The following HTRA3 variants were observed in gnomAD, a reference collection of about 807,000 sequenced individuals.
HTRA3 encodes serine protease HTRA3.
A neutral mutation model predicts 43.2 loss-of-function variants in HTRA3; 41 were observed. That is an observed-to-expected ratio of 0.95 (90% CI 0.74 to 1.23). The LOEUF (loss-of-function observed/expected upper bound fraction) is 1.23. HTRA3 is among the 50% of genes most tolerant of loss of function. The probability of loss-of-function intolerance (pLI) is 0.00; values close to 1 mark genes in which losing one functional copy is unlikely to be tolerated. For synonymous variants in HTRA3, 295 were observed against 287.9 expected (o/e 1.02, Z -0.25); for missense variants, 628 against 647.1 (o/e 0.97, Z 0.32).
chr4:8,280,321 C>A (rs922002458), intron 1 of HTRA3, among the ~76,000 whole-genome samples: 1 of 152,134 alleles, frequency 6.6e-6, no homozygotes, highest in African/African-American at 2.4e-5. Flanking sequence ...GGAGGAGGGC[C>A]TGGGCCTGGG....
chr4:8,270,376 G>A, intron 1 of HTRA3, 23 bp downstream of exon 1: 3 of 1,380,934 alleles, frequency 2.2e-6, no homozygotes, highest in Non-Finnish European at 2.8e-6. Flanking sequence ...GGGCCAGGGA[G>A]GAAGTGAAGC....
At chr4:8,277,900 A>T (rs1712592891) in intron 1 of HTRA3, among the ~76,000 whole-genome samples, 1 of 152,162 alleles carries the variant, frequency 6.6e-6, no homozygotes, top group African/African-American at 2.4e-5. Flanking sequence ...GAGGGCACTA[A>T]AAGAAGGGGC....
intron 6 of HTRA3, among the ~76,000 whole-genome samples, chr4:8,298,040 C>T (rs1338570677): frequency 2.6e-5 from 4 of 152,198 alleles, no homozygotes; most frequent in Admixed American, 1.3e-4. Context: ...CGGGCCTCGT[C>T]GCCGCTCCGC....
At chr4:8,275,762 A>T (rs115996225) in intron 1 of HTRA3, among the ~76,000 whole-genome samples, 262 of 152,324 alleles carry the variant, frequency 1.7e-3, no homozygotes, top group African/African-American at 6.1e-3. Flanking sequence ...AAAGCCTTCA[A>T]CACATCATTG....
At chr4:8,301,252 GCTTTATTGATTCACACTCAT>G (rs982132647) in intron 6 of HTRA3, among the ~76,000 whole-genome samples, 2 of 67,230 alleles carry the variant, frequency 3.0e-5, no homozygotes, top group African/African-American at 1.4e-4. Context: ...TTCACACTCA[GCTTTATTGATTCACACTCAT>G]CTTTATTATT....
At chr4:8,291,689 G>C (rs1030900644) in intron 4 of HTRA3, 125 bp downstream of exon 4, 2 of 682,958 alleles carry the variant, frequency 2.9e-6, no homozygotes, top group Admixed American at 3.1e-5. Context: ...ACATCCACTT[G>C]CTAGAAAGTT....
rs1368731569 is a variant in HTRA3, at chr4:8,270,162, C to T, written c.194C>T (p.Pro65Leu). The change falls in exon 1 of 9, where the codon CCT (proline) becomes CTT (leucine). Residue 65 changes from proline (P) to leucine (L), a missense_variant. By Grantham distance (98) the Pro-to-Leu change is moderately conservative (BLOSUM62 -3). Coordinates refer to ENST00000307358, the MANE Select transcript of HTRA3 (RefSeq NM_053044.5). ...AASEGEPCGG[P>L]LDSPCGESLE... The stretch of plus-strand genomic sequence containing the variant: ...AGCGAGGGCGAGCCCTGTGGCGGCC[C>T]TCTGGACTCGCCTTGCGGCGAGAGC... The T allele has an allele frequency of 1.3e-6, 2 of 1,541,518 alleles. No individual in the cohort carries two copies. Among genetic ancestry groups the T allele is most frequent in the East Asian group, 2.6e-5 (1 of 38,610 alleles).
rs1201057396 is a variant in HTRA3, at chr4:8,269,965, C to G, written c.-4C>G. 2 of 1,155,940 alleles carry G rather than the reference C, an allele frequency of 1.7e-6. No individual in the cohort carries two copies. Among genetic ancestry groups the G allele is most frequent in the Non-Finnish European group, 2.1e-6 (2 of 940,040 alleles). 71.6% of individuals were successfully genotyped at this position (1,155,940 alleles called of 1,614,324 possible). A position where few individuals can be genotyped will look rare whatever the true frequency, so the allele number is the denominator to read the frequency against. On this transcript the variant is annotated 5_prime_UTR_variant, in exon 1 of 9. Coordinates refer to ENST00000307358, the MANE Select transcript of HTRA3 (RefSeq NM_053044.5). ...CGCTGCCACCCGCCGCCGGCCCTGC[C>G]GCCATGCAGGCGCGAGCGCTGCTCC...
rs1713455514 is a variant in HTRA3, at chr4:8,296,351, GACTA to G, written c.1051+2154_1051+2157del. The G allele has an allele frequency of 3.0e-6, 3 of 985,454 alleles. No homozygotes were observed. Among genetic ancestry groups the G allele is most frequent in the East Asian group, 2.3e-4 (2 of 8,802 alleles). 61.0% of individuals were successfully genotyped at this position (985,454 alleles called of 1,614,324 possible). On this transcript the variant is annotated intron_variant, in intron 6 of 8. Transcript: ENST00000307358. This position sits in a 1 kb window ranked among gnomAD's most constrained non-coding sequence, Gnocchi z 5.3. ...GTGTCCCCTCCCCAAGGACAGTGCAGACTAACTGAGGAGCCTGATAAACCTTAGC... is the reference window on the plus strand; with the variant it reads ...GTGTCCCCTCCCCAAGGACAGTGCAGACTGAGGAGCCTGATAAACCTTAGC...
chr4:8,296,313 T>G lies in HTRA3; in HGVS notation c.1051+2112T>G, dbSNP rs542235368. On this transcript the variant is annotated intron_variant, in intron 6 of 8. Transcript: ENST00000307358. The surrounding 1 kb of genome is among the most constrained non-coding windows in gnomAD (Gnocchi z 5.3). Reference sequence around the variant, plus strand: ...CCAGAACCCCCTGGGAAATATCCCCTGTCCTCAGAGCTGTGTCCCCTCCCC... The same window carrying G: ...CCAGAACCCCCTGGGAAATATCCCCGGTCCTCAGAGCTGTGTCCCCTCCCC... 163 of 985,316 alleles carry G rather than the reference T, an allele frequency of 1.7e-4. 1 individual carries two copies. The African/African-American group carries it at 2.5e-3, about 15-fold the overall frequency. 61.0% of individuals were successfully genotyped at this position (985,316 alleles called of 1,614,324 possible).
At chr4:8,289,450 C>T (rs995629078) in intron 3 of HTRA3, among the ~76,000 whole-genome samples, 21 of 152,202 alleles carry the variant, frequency 1.4e-4, no homozygotes, top group African/African-American at 4.8e-4. Flanking sequence ...AACCCCCGCT[C>T]GAGGACCCCT....
intron 1 of HTRA3, among the ~76,000 whole-genome samples, chr4:8,276,885 C>T (rs567496961): frequency 6.6e-6 from 1 of 152,384 alleles, no homozygotes; most frequent in East Asian, 1.9e-4. Flanking sequence ...CGTGGCCTCT[C>T]TAAGCCTTGT....
chr4:8,304,482 C>T (rs888332275), intron 8 of HTRA3, among the ~76,000 whole-genome samples: 2 of 152,050 alleles, frequency 1.3e-5, no homozygotes, highest in Non-Finnish European at 1.5e-5. Context: ...GTCCTAAGTC[C>T]CACAATGTCA....
chr4:8,282,594 G>A (rs1031224659), intron 2 of HTRA3, 58 bp downstream of exon 2: 10 of 1,336,982 alleles, frequency 7.5e-6, no homozygotes, highest in Non-Finnish European at 1.1e-5. Flanking sequence ...ACACCCGCCA[G>A]CTGCTGGGGC....
chr4:8,298,165 G>C (rs369019452), intron 6 of HTRA3, among the ~76,000 whole-genome samples: 5 of 152,162 alleles, frequency 3.3e-5, no homozygotes, highest in South Asian at 2.1e-4. Context: ...AGCCAGAAAG[G>C]CCCTTTCAAA....
chr4:8,296,672 C>A lies in HTRA3; in HGVS notation c.1051+2471C>A, dbSNP rs1375046727. Among the ~76,000 whole-genome samples, 1 of 152,200 alleles carries A rather than the reference C, an allele frequency of 6.6e-6. No individual in the cohort carries two copies. Among genetic ancestry groups the A allele is most frequent in the Non-Finnish European group, 1.5e-5 (1 of 68,038 alleles). ...AGCCAGCCTTAGGACCAGAGAGTAG[C>A]CCCACATGGGGTGGTGTGGGGTGTT... On this transcript the variant is annotated intron_variant, in intron 6 of 8. Transcript: ENST00000307358. This position sits in a 1 kb window ranked among gnomAD's most constrained non-coding sequence, Gnocchi z 5.3.
chr4:8,305,928 C>T (rs1171955092), intron 8 of HTRA3, 43 bp from the exon 9 acceptor site: 3 of 1,610,062 alleles, frequency 1.9e-6, no homozygotes, highest in African/African-American at 2.7e-5. Context: ...AAGGCTGTGC[C>T]TGGGGAGGCG....
chr4:8,302,270 C>T (rs369757024), intron 6 of HTRA3, among the ~76,000 whole-genome samples, 193 bp from the exon 7 acceptor site: 1 of 152,196 alleles, frequency 6.6e-6, no homozygotes, highest in East Asian at 1.9e-4. Context: ...GCTAGAATAC[C>T]CCTCAGCTCC....
intron 6 of HTRA3, 25 bp from the exon 7 acceptor site, chr4:8,302,438 G>C: frequency 1.9e-6 from 3 of 1,613,140 alleles, no homozygotes; most frequent in Non-Finnish European, 2.5e-6. Context: ...AGCCCTAACG[G>C]AGTCTCGCCG....
Sources: gnomAD v4.1 joint callset for allele counts (sites outside exome capture counted in the v4.1 genomes callset) on GRCh38, gnomAD v4.1.1 for gene constraint, Gnocchi (gnomAD v3.1) non-coding constraint, MANE v1.5 for transcripts, NCBI Gene and HGNC (gene_info 2026-07-23, HGNC 2026-07-21) for gene names.